The following TYW1B variants were observed in gnomAD, a reference collection of about 807,000 sequenced individuals.
TYW1B encodes the protein S-adenosyl-L-methionine-dependent tRNA 4-demethylwyosine synthase TYW1B.
In TYW1B, 73 loss-of-function variants were observed where a neutral mutation model predicts 86.9. That is an observed-to-expected ratio of 0.84 (90% confidence interval 0.70 to 1.02). The LOEUF (loss-of-function observed/expected upper bound fraction) is 1.02. Among genes scored for constraint, TYW1B ranks in the 50% least tolerant of loss-of-function variants. TYW1B has a pLI of 0.00. For missense variants in TYW1B, 637 were observed against 827.4 expected (o/e 0.77, Z 2.82); for synonymous variants, 248 against 292.8 (o/e 0.85, Z 1.56).
At chr7:72,615,510 A>C (rs1410635237) in intron 13 of TYW1B, among the ~76,000 whole-genome samples, 1 of 152,194 alleles carries the variant, frequency 6.6e-6, no homozygotes, top group African/African-American at 2.4e-5. Context: ...TTCTAGAAAT[A>C]ATCTTCTAAA....
chr7:72,575,538 T>C lies in TYW1B; in HGVS notation c.1967A>G (p.His656Arg). ...AGCCTTTGATTTGTTCTTTCTCTGA[T>C]GTCTTGTGTCCTTGGGATCAAAGCT... ...ERSFDPKDTR[H>R]QRKNKSKAIS... is the part of the protein sequence containing the mutation. Residue 656 changes from histidine to arginine, a missense_variant, in exon 14 of 14, where the codon CAT (histidine) becomes CGT (arginine). Transcript: ENST00000620995. 6.2e-7 allele frequency: 1 copy of C among 1,614,000 alleles called. No individual in the cohort carries two copies. The highest frequency in any genetic ancestry group is 8.5e-7 in the Non-Finnish European group (1 of 1,179,862).
intron 6 of TYW1B, among the ~76,000 whole-genome samples, chr7:72,785,414 T>G (rs1284973039): frequency 1.4e-5 from 2 of 147,656 alleles, no homozygotes; most frequent in Non-Finnish European, 3.0e-5. Flanking sequence ...TCTAATATAA[T>G]TATATAATTA....
At chr7:72,787,393 G>A (rs1788146796) in intron 6 of TYW1B, among the ~76,000 whole-genome samples, 1 of 151,774 alleles carries the variant, frequency 6.6e-6, no homozygotes, top group African/African-American at 2.4e-5. Context: ...AACCCAGGAG[G>A]CAGAGGTTGC....
At chr7:72,688,994 G>GTTA (rs1814075345) in intron 11 of TYW1B, among the ~76,000 whole-genome samples, 1 of 152,208 alleles carries the variant, frequency 6.6e-6, no homozygotes, top group Non-Finnish European at 1.5e-5. Context: ...AAGCAGAGCA[G>GTTA]GGTAAAATGG....
chr7:72,780,837 G>A (rs1467017767), intron 6 of TYW1B, among the ~76,000 whole-genome samples: 1 of 152,032 alleles, frequency 6.6e-6, no homozygotes, highest in Non-Finnish European at 1.5e-5. Flanking sequence ...ACTCCGCAAG[G>A]GAGTTTAATG....
chr7:72,731,125 G>GAAA (rs1162938084), intron 8 of TYW1B, among the ~76,000 whole-genome samples: 3 of 71,134 alleles, frequency 4.2e-5, no homozygotes, highest in African/African-American at 1.1e-4. Context: ...CTAAGGGCTG[G>GAAA]AAAAAAAAAA....
At chr7:72,618,665 T>C (rs1317657764) in intron 12 of TYW1B, among the ~76,000 whole-genome samples, 1 of 152,178 alleles carries the variant, frequency 6.6e-6, no homozygotes, top group East Asian at 1.9e-4. Context: ...TAAACTGTGA[T>C]GGCCTTTGTG....
chr7:72,614,183 A>G (rs1812009054), intron 13 of TYW1B, among the ~76,000 whole-genome samples: 1 of 152,228 alleles, frequency 6.6e-6, no homozygotes, highest in Non-Finnish European at 1.5e-5. Flanking sequence ...AATAATTTCC[A>G]AATTTAAAAC....
chr7:72,694,689 T>C lies in TYW1B; in HGVS notation c.1504A>G (p.Lys502Glu), dbSNP rs563545212. The C allele has an allele frequency of 2.4e-5, 38 of 1,604,664 alleles. No homozygotes were observed. The East Asian group carries it at 8.5e-4, about 36-fold the overall frequency. ...FLDSLKALAVKQQRTVYRLML... is the reference protein window; with the variant it reads ...FLDSLKALAVEQQRTVYRLML... ...TTTTAAGATGTCATAATTCTTACCT[T>C]GACTGCCAAGGCTTTTAAACTGTCA... Residue 502 changes from lysine (K) to glutamate (E), a missense_variant and splice_region_variant, in exon 11 of 14, where the codon AAG (lysine) becomes GAG (glutamate). Coordinates refer to ENST00000620995, the MANE Select transcript of TYW1B (RefSeq NM_001145440.3).
chr7:72,777,188 C>T (rs1239525394), intron 7 of TYW1B, among the ~76,000 whole-genome samples: 3 of 152,114 alleles, frequency 2.0e-5, no homozygotes, highest in Non-Finnish European at 2.9e-5. Context: ...GATCTGTGAA[C>T]TTGACCCACA....
At chr7:72,721,319 T>C (rs13241692) in intron 9 of TYW1B, among the ~76,000 whole-genome samples, 7 of 152,216 alleles carry the variant, frequency 4.6e-5, no homozygotes, top group African/African-American at 7.2e-5. Flanking sequence ...GAGGAATCAC[T>C]ACACTGTCTT....
chr7:72,770,344 A>G (rs1219433122), intron 7 of TYW1B, among the ~76,000 whole-genome samples: 4 of 147,048 alleles, frequency 2.7e-5, no homozygotes, highest in Admixed American at 1.4e-4. Flanking sequence ...CAGGAGAATC[A>G]CTTGAACCCA....
Position 72,816,900 on chromosome 7 carries a change from C to T in TYW1B, c.136-1419G>A, listed in dbSNP as rs140545624. On this transcript the variant is annotated intron_variant, in intron 2 of 13. Transcript: ENST00000620995. ...GCTGGCCCTGTGCAGCTCTTCCATT[C>T]GGCCGTTCCTGAGTTGCATCCTTTA... Among the ~76,000 whole-genome samples, 1,013 of 152,248 alleles carry T rather than the reference C, an allele frequency of 6.7e-3. 15 individuals carry two copies. The highest frequency in any genetic ancestry group is 0.021 in the African/African-American group (876 of 41,542).
In TYW1B at chr7:72,624,708, G is replaced by A. The variant is rs1267859173; in HGVS notation, c.1617+4179C>T. ...TCAAAGATATGACATGACTGAATGTGCCTCCCTCTGAAGTAACATGAACTG... is the reference window on the plus strand; with the variant it reads ...TCAAAGATATGACATGACTGAATGTACCTCCCTCTGAAGTAACATGAACTG... On this transcript the variant is annotated intron_variant, in intron 12 of 13. Coordinates refer to ENST00000620995, the MANE Select transcript of TYW1B (RefSeq NM_001145440.3). 3.3e-5 allele frequency among the ~76,000 whole-genome samples: 5 copies of A among 152,284 alleles called. No individual in the cohort carries two copies. The East Asian group carries it at 9.6e-4, about 29-fold the overall frequency.
chr7:72,796,527 C>T (rs4080127), intron 6 of TYW1B, among the ~76,000 whole-genome samples: 358 of 151,892 alleles, frequency 2.4e-3, no homozygotes, highest in African/African-American at 7.1e-3. Context: ...TGAGCCACCG[C>T]GCCAGGCCAA....
chr7:72,634,342 C>CTTTTT (rs782580354), intron 11 of TYW1B, among the ~76,000 whole-genome samples: 1 of 132,676 alleles, frequency 7.5e-6, no homozygotes, highest in Non-Finnish European at 1.6e-5. Context: ...CCACTCCTAG[C>CTTTTT]TTTTTTTTTT....
At chr7:72,709,485 G>A (rs1814693736) in intron 10 of TYW1B, among the ~76,000 whole-genome samples, 2 of 150,616 alleles carry the variant, frequency 1.3e-5, no homozygotes, top group South Asian at 2.1e-4. Context: ...TGCTAACACG[G>A]TGAAACCCCT....
intron 13 of TYW1B, among the ~76,000 whole-genome samples, chr7:72,610,946 T>C (rs868964850): frequency 7.2e-5 from 11 of 152,164 alleles, no homozygotes; most frequent in Admixed American, 2.0e-4. Context: ...AAATGACATT[T>C]AGGATGCCAT....
At chr7:72,690,040 C>A (rs1226527234) in intron 11 of TYW1B, among the ~76,000 whole-genome samples, 5 of 152,172 alleles carry the variant, frequency 3.3e-5, no homozygotes, top group African/African-American at 1.2e-4. Context: ...AGTATCCTAA[C>A]ATCTGTAGAG....
Sources: gnomAD v4.1 joint callset for allele counts (sites outside exome capture counted in the v4.1 genomes callset) on GRCh38, gnomAD v4.1.1 for gene constraint, MANE v1.5 for transcripts, NCBI Gene and HGNC (gene_info 2026-07-23, HGNC 2026-07-21) for gene names.